BIRC5: variants seen among roughly 807,000 people sequenced by gnomAD.
BIRC5 encodes the protein baculoviral IAP repeat containing 5.
Under a neutral mutation model 15.8 loss-of-function variants are expected in BIRC5, and 8 were observed. The observed-to-expected ratio is 0.51, with a 90% CI of 0.30 to 0.91. The LOEUF (loss-of-function observed/expected upper bound fraction) is 0.91, where lower values mean the gene tolerates loss of function less well. BIRC5 is among the 40% of genes least tolerant of loss of function. BIRC5 has a pLI of 0.07. For synonymous variants in BIRC5, 56 were observed against 64.5 expected (o/e 0.87, Z 0.63); for missense variants, 163 against 178.6 (o/e 0.91, Z 0.50).
At position 78,223,588 on chromosome 17, in the gene BIRC5, G is replaced by T; in HGVS notation, c.*34G>T. The T allele has an allele frequency of 1.9e-6, 3 of 1,613,168 alleles. No individual in the cohort carries two copies. The highest frequency in any genetic ancestry group is 2.5e-6 in the Non-Finnish European group (3 of 1,179,502). On this transcript the variant is annotated 3_prime_UTR_variant, in exon 4 of 4. Transcript: ENST00000350051. Reference sequence around the variant, plus strand: ...GCCGGAGCTGCCTGGTCCCAGAGTGGCTGCACCACTTCCAGGGTTTATTCC... The same window carrying T: ...GCCGGAGCTGCCTGGTCCCAGAGTGTCTGCACCACTTCCAGGGTTTATTCC...
intron 3 of BIRC5, chr17:78,223,076 CCTAGACTAGCTGGGTACTTTGAGTGG>C: frequency 1.1e-6 from 1 of 933,600 alleles, no homozygotes; most frequent in Non-Finnish European, 1.4e-6. Context: ...AGCTGGGGTG[CCTAGACTAGCTGGGTACTTTGAGTGG>C]CTCCTTCAGC....
At position 78,223,673 on chromosome 17, in the gene BIRC5, T is replaced by C; in HGVS notation, c.*119T>C. 1 of 1,524,538 alleles carries C rather than the reference T, an allele frequency of 6.6e-7. No homozygotes were observed. Among genetic ancestry groups the C allele is most frequent in the Non-Finnish European group, 8.8e-7 (1 of 1,133,296 alleles). 94.4% of individuals were successfully genotyped at this position (1,524,538 alleles called of 1,614,324 possible). A position where few individuals can be genotyped will look rare whatever the true frequency, so the allele number is the denominator to read the frequency against. On this transcript the variant is annotated 3_prime_UTR_variant, in exon 4 of 4. Transcript: ENST00000350051. ...AATGTCTTAGGAAAGGAGATCAACA[T>C]TTTCAAATTAGATGTTTCAACTGTG...
intron 3 of BIRC5, chr17:78,222,824 T>C: frequency 6.5e-7 from 1 of 1,536,084 alleles, no homozygotes; most frequent in Non-Finnish European, 8.7e-7. Context: ...CATTTGCCCC[T>C]TAGGAGAGAG....
intron 3 of BIRC5, among the ~76,000 whole-genome samples, chr17:78,217,552 A>T (rs2076487852): frequency 6.6e-6 from 1 of 151,838 alleles, no homozygotes; most frequent in Non-Finnish European, 1.5e-5. Context: ...GCTAGAGTGC[A>T]GCGACGGGAT....
intron 2 of BIRC5, chr17:78,215,033 A>G: frequency 2.2e-6 from 1 of 451,040 alleles, no homozygotes; most frequent in Non-Finnish European, 4.1e-6. Flanking sequence ...CATGTTCAAC[A>G]GAATACATCA....
intron 3 of BIRC5, among the ~76,000 whole-genome samples, chr17:78,221,894 G>A (rs1001428077): frequency 3.9e-5 from 6 of 152,158 alleles, no homozygotes; most frequent in African/African-American, 1.4e-4. Context: ...GTCCATCACA[G>A]TCCATTATAA....
chr17:78,223,412 A>T (rs1332402149), intron 3 of BIRC5, 53 bp from the exon 4 acceptor site: 1 of 1,479,232 alleles, frequency 6.8e-7, no homozygotes, highest in Non-Finnish European at 9.1e-7. Context: ...TATCTACAGG[A>T]TGTGACTGGG....
chr17:78,223,409 A>T, intron 3 of BIRC5, 56 bp from the exon 4 acceptor site: 1 of 1,467,464 alleles, frequency 6.8e-7, no homozygotes. Context: ...TCTTATCTAC[A>T]GGATGTGACT....
At chr17:78,220,110 C>T (rs1274526509) in intron 3 of BIRC5, among the ~76,000 whole-genome samples, 1 of 147,724 alleles carries the variant, frequency 6.8e-6, no homozygotes, top group Non-Finnish European at 1.5e-5. Flanking sequence ...GTCCACTCAC[C>T]TGTTGGAAGA....
At chr17:78,222,888 CA>C (rs1408765341) in intron 3 of BIRC5, 1 of 1,535,828 alleles carries the variant, frequency 6.5e-7, no homozygotes, top group Non-Finnish European at 8.7e-7. Context: ...GGACTGGAAG[CA>C]AAAGAATTTC....
In BIRC5 at chr17:78,223,671, C is replaced by T. The variant is rs765120054; in HGVS notation, c.*117C>T. On this transcript the variant is annotated 3_prime_UTR_variant, in exon 4 of 4. Coordinates refer to ENST00000350051, the MANE Select transcript of BIRC5 (RefSeq NM_001168.3). ...GCAATGTCTTAGGAAAGGAGATCAA[C>T]ATTTTCAAATTAGATGTTTCAACTG... 3.3e-6 allele frequency: 5 copies of T among 1,527,850 alleles called. No homozygotes were observed. Among genetic ancestry groups the T allele is most frequent in the Non-Finnish European group, 4.4e-6 (5 of 1,135,088 alleles). 94.6% of individuals were successfully genotyped at this position (1,527,850 alleles called of 1,614,324 possible).
rs1040053772 is a variant in BIRC5, at chr17:78,223,121, C to G, written c.340-344C>G. On this transcript the variant is annotated intron_variant, in intron 3 of 3. Coordinates refer to ENST00000350051, the MANE Select transcript of BIRC5 (RefSeq NM_001168.3). ...TGAGTGGCTCCTTCAGCCTGGACCT[C>G]GGTTTCCTCACCTGTATAGTAGAGA... 1.7e-5 allele frequency: 16 copies of G among 944,422 alleles called. No individual in the cohort carries two copies. The African/African-American group carries it at 2.3e-4, about 14-fold the overall frequency. 58.5% of individuals were successfully genotyped at this position (944,422 alleles called of 1,614,324 possible). A position where few individuals can be genotyped will look rare whatever the true frequency, so the allele number is the denominator to read the frequency against.
intron 3 of BIRC5, among the ~76,000 whole-genome samples, chr17:78,220,632 T>G (rs2076508921): frequency 6.6e-6 from 1 of 152,160 alleles, no homozygotes; most frequent in Non-Finnish European, 1.5e-5. Flanking sequence ...TTTGAACTGT[T>G]TTTTTTGTTT....
Position 78,214,257 on chromosome 17 carries a change from C to A in BIRC5, c.-60C>A. 2.0e-6 allele frequency: 3 copies of A among 1,468,028 alleles called. No homozygotes were observed. Among genetic ancestry groups the A allele is most frequent in the Non-Finnish European group, 1.9e-6 (2 of 1,076,098 alleles). The allele number at this position is 1,468,028 out of a possible 1,614,324, so 90.9% of individuals were successfully genotyped here. The stretch of plus-strand genomic sequence containing the variant: ...CGTGCGCTCCCGACATGCCCCGCGG[C>A]GCGCCATTAACCGCCAGATTTGAAT... On this transcript the variant is annotated 5_prime_UTR_variant, in exon 1 of 4. Transcript: ENST00000350051.
Position 78,223,604 on chromosome 17 carries a change from G to C in BIRC5, c.*50G>C, listed in dbSNP as rs17885521. ...CCCAGAGTGGCTGCACCACTTCCAG[G>C]GTTTATTCCCTGGTGCCACCAGCCT... On this transcript the variant is annotated 3_prime_UTR_variant, in exon 4 of 4. Transcript: ENST00000350051. The C allele has an allele frequency of 0.011, 17,062 of 1,610,766 alleles. 114 individuals are homozygous for C. The highest frequency in any genetic ancestry group is 0.012 in the Non-Finnish European group (14,702 of 1,178,156).
At chr17:78,217,207 A>G (rs2076484983) in intron 3 of BIRC5, among the ~76,000 whole-genome samples, 1 of 133,716 alleles carries the variant, frequency 7.5e-6, no homozygotes, top group Non-Finnish European at 1.6e-5. Flanking sequence ...ACACAGTTTC[A>G]CTCTGTTACC....
At chr17:78,222,948 G>A (rs1408830357) in intron 3 of BIRC5, 2 of 1,527,712 alleles carry the variant, frequency 1.3e-6, no homozygotes, top group East Asian at 2.4e-5. Context: ...AACTGGACAT[G>A]AAGAGGAAGG....
intron 2 of BIRC5, chr17:78,216,456 G>A (rs2145894256): frequency 3.9e-6 from 2 of 511,368 alleles, no homozygotes; most frequent in Middle Eastern, 5.3e-4. Context: ...GGGGGGAGAT[G>A]TCCACAGGGA....
At chr17:78,216,180 C>A (rs2076476354) in intron 2 of BIRC5, 1 of 156,108 alleles carries the variant, frequency 6.4e-6, no homozygotes, top group African/African-American at 2.5e-5. Flanking sequence ...ACCCAGGAGG[C>A]GGAGCTTGCA....
Sources: gnomAD v4.1 joint callset for allele counts (sites outside exome capture counted in the v4.1 genomes callset) on GRCh38, gnomAD v4.1.1 for gene constraint, MANE v1.5 for transcripts, NCBI Gene and HGNC (gene_info 2026-07-23, HGNC 2026-07-21) for gene names.